The following TRMO variants were observed in gnomAD, a reference collection of about 807,000 sequenced individuals.
TRMO encodes tRNA (adenine(37)-N6)-methyltransferase.
TRMO carries 30 observed loss-of-function variants against 37.2 expected under a neutral mutation model. The observed-to-expected ratio is 0.81, with a 90% CI of 0.60 to 1.09. The LOEUF (loss-of-function observed/expected upper bound fraction) is 1.09, where lower values mean the gene tolerates loss of function less well. Among genes scored for constraint, TRMO ranks in the 50% least tolerant of loss-of-function variants. The probability of loss-of-function intolerance (pLI) is 0.00; values close to 1 mark genes in which losing one functional copy is unlikely to be tolerated. For synonymous variants in TRMO, 239 were observed against 199.4 expected (o/e 1.20, Z -1.67); for missense variants, 552 against 549.5 (o/e 1.00, Z -0.05).
At chr9:97,900,258 T>C (rs897668115), downstream of TRMO, among the ~76,000 whole-genome samples, 2 of 152,194 alleles carry the variant, frequency 1.3e-5, no homozygotes, top group Admixed American at 1.3e-4. Context: ...TTCCCAAGCA[T>C]TATCCTGGCA....
chr9:97,901,719 C>T (rs1056545086), downstream of TRMO, among the ~76,000 whole-genome samples: 5 of 148,286 alleles, frequency 3.4e-5, no homozygotes, highest in Admixed American at 6.8e-5. Context: ...TCTCTGGGTT[C>T]GTGGAATGAG....
chr9:97,914,936 T>C (rs565594030), intron 2 of TRMO, among the ~76,000 whole-genome samples: 3 of 152,270 alleles, frequency 2.0e-5, no homozygotes, highest in Admixed American at 2.0e-4. Context: ...AAAAATCTCT[T>C]TATATACTTC....
At chr9:97,900,741 T>G (rs561560119), downstream of TRMO, 10 of 979,714 alleles carry the variant, frequency 1.0e-5, no homozygotes, top group Admixed American at 1.8e-4. Flanking sequence ...GATGCAGGCT[T>G]TCATTTTTAT....
At chr9:97,919,953 C>T (rs748407200) in intron 1 of TRMO, among the ~76,000 whole-genome samples, 1 of 152,192 alleles carries the variant, frequency 6.6e-6, no homozygotes, top group Non-Finnish European at 1.5e-5. Flanking sequence ...ACCAAATATC[C>T]ATATCCTAGT....
intron 3 of TRMO, chr9:97,912,849 A>G: frequency 9.1e-7 from 1 of 1,096,850 alleles, no homozygotes; most frequent in Non-Finnish European, 1.3e-6. Context: ...CACACAGTTA[A>G]AACTAGTTTA....
chr9:97,912,145 C>T (rs1564109258), intron 3 of TRMO: 1 of 152,218 alleles, frequency 6.6e-6, no homozygotes, highest in East Asian at 1.9e-4. Context: ...GTCAAACCCA[C>T]AAAGCCACTG....
downstream of TRMO, among the ~76,000 whole-genome samples, chr9:97,903,890 G>A (rs562653899): frequency 1.1e-4 from 17 of 152,174 alleles, no homozygotes; most frequent in South Asian, 2.1e-4. Context: ...TCAGGAATTC[G>A]AGACCAGCCT....
rs779314985 is a variant in TRMO, at chr9:97,909,943, G to A, written c.1066+17C>T. On this transcript the variant is annotated intron_variant, in intron 4 of 4. Transcript: ENST00000375119. ...TAAAAGTTCATCTCTCATTCAGAAT[G>A]AAGAAACTGAAGATACCTTGTGAAC... 8 of 1,492,000 alleles carry A rather than the reference G, an allele frequency of 5.4e-6. No homozygotes were observed. The South Asian group carries it at 1.1e-4, about 20-fold the overall frequency. The allele number at this position is 1,492,000 out of a possible 1,614,324, so 92.4% of individuals were successfully genotyped here. A position where few individuals can be genotyped will look rare whatever the true frequency, so the allele number is the denominator to read the frequency against.
chr9:97,913,261 A>G lies in TRMO; in HGVS notation c.409+140T>C, dbSNP rs1354975547. 4 of 967,374 alleles carry G rather than the reference A, an allele frequency of 4.1e-6. No homozygotes were observed. In the Admixed American group the frequency reaches 8.2e-5, roughly 20 times the overall value. 59.9% of individuals were successfully genotyped at this position (967,374 alleles called of 1,614,324 possible). A position where few individuals can be genotyped will look rare whatever the true frequency, so the allele number is the denominator to read the frequency against. ...ATGCTAACATTCTTTTAATCATTGTATTTTCTTCAATGTCTGGTGGTTCTC... is the reference window on the plus strand; with the variant it reads ...ATGCTAACATTCTTTTAATCATTGTGTTTTCTTCAATGTCTGGTGGTTCTC... On this transcript the variant is annotated intron_variant, in intron 3 of 4. Coordinates refer to ENST00000375119, the MANE Select transcript of TRMO (RefSeq NM_016481.5).
At position 97,904,887 on chromosome 9, in the gene TRMO, A is replaced by C; in HGVS notation, c.1172T>G (p.Leu391Arg). The change falls in exon 5 of 5, where the codon CTT becomes CGT. Residue 391 changes from leucine (L) to arginine (R), a missense_variant. By Grantham distance (102) the Leu-to-Arg change is moderately radical. Coordinates refer to ENST00000375119, the MANE Select transcript of TRMO (RefSeq NM_016481.5). ...AAAGTAGAAAAGGCGGTCCTGGCAAAGCTTCCGGCGGTACACAGACCGAGG... is the reference window on the plus strand; with the variant it reads ...AAAGTAGAAAAGGCGGTCCTGGCAACGCTTCCGGCGGTACACAGACCGAGG... ...ADPRSVYRRKLCQDRLFYFTV... is the reference protein window; with the variant it reads ...ADPRSVYRRKRCQDRLFYFTV... The C allele has an allele frequency of 6.2e-7, 1 of 1,614,226 alleles. No homozygotes were observed. Among genetic ancestry groups the C allele is most frequent in the Non-Finnish European group, 8.5e-7 (1 of 1,180,046 alleles).
intron 3 of TRMO, 156 bp from the exon 4 acceptor site, chr9:97,910,772 C>G: frequency 1.2e-6 from 1 of 812,570 alleles, no homozygotes; most frequent in Admixed American, 2.7e-5. Context: ...CTTCTTGCTA[C>G]CTGGTAGCCC....
chr9:97,910,293 G>A lies in TRMO; in HGVS notation c.733C>T (p.Pro245Ser). Reference protein sequence around the residue: ...SDTARIQQAFPMHREIAVDFG... With the variant: ...SDTARIQQAFSMHREIAVDFG... ...TCCACTGCTATCTCCCTGTGCATAG[G>A]AAATGCTTGCTGAATTCTGGCTGTG... The change falls in exon 4 of 5, where the codon CCT becomes TCT. Residue 245 changes from proline to serine, a missense_variant. Physicochemically the swap from Pro to Ser is moderately conservative, Grantham distance 74 (BLOSUM62 -1). Transcript: ENST00000375119. The A allele has an allele frequency of 1.2e-6, 2 of 1,614,200 alleles. No individual in the cohort carries two copies. The highest frequency in any genetic ancestry group is 1.7e-5 in the Admixed American group (1 of 60,028).
At position 97,904,922 on chromosome 9, in the gene TRMO, C is replaced by T. The variant is rs1825793978; in HGVS notation, c.1137G>A (p.Leu379=). 2.5e-6 allele frequency: 4 copies of T among 1,614,076 alleles called. No individual in the cohort carries two copies. In the African/African-American group the frequency reaches 4.0e-5, roughly 16 times the overall value. Residue 379 remains leucine (L), a synonymous_variant, in exon 5 of 5, where the codon CTG becomes CTA. Coordinates refer to ENST00000375119, the MANE Select transcript of TRMO (RefSeq NM_016481.5). The part of the protein sequence containing the change: ...EEAKRAIEAV[L]SADPRSVYRR... ...GGTACACAGACCGAGGATCCGCTGA[C>T]AGCACAGCCTCAATGGCACGCTTTG... is the stretch of plus-strand genomic sequence containing the variant.
In TRMO at chr9:97,904,825, C is replaced by T. The variant is rs755016635; in HGVS notation, c.1234G>A (p.Asp412Asn). 1.9e-6 allele frequency: 3 copies of T among 1,614,092 alleles called. No homozygotes were observed. The highest frequency in any genetic ancestry group is 1.6e-4 in the Middle Eastern group (1 of 6,084). The stretch of plus-strand genomic sequence containing the variant: ...ATCCTCAGCACCTCTGCAAAGCCAT[C>T]ACCAAACCAGCAAGTGACATGCGCT... ...DIAHVTCWFG[D>N]GFAEVLRIKP... The change falls in exon 5 of 5, where the codon GAT (aspartate) becomes AAT (asparagine). Residue 412 changes from aspartate (D) to asparagine (N), a missense_variant. Coordinates refer to ENST00000375119, the MANE Select transcript of TRMO (RefSeq NM_016481.5).
chr9:97,918,857 T>C (rs183182280), intron 1 of TRMO, among the ~76,000 whole-genome samples: 4 of 152,354 alleles, frequency 2.6e-5, no homozygotes, highest in Admixed American at 2.6e-4. Context: ...CCCTCTGAGA[T>C]AAACAGAAGC....
intron 1 of TRMO, among the ~76,000 whole-genome samples, chr9:97,918,119 G>A (rs1302340261): frequency 6.6e-6 from 1 of 151,098 alleles, no homozygotes; most frequent in Non-Finnish European, 1.5e-5. Context: ...GGTGGCTCAC[G>A]CCTGTAATCC....
chr9:97,902,336 T>G (rs748025353), downstream of TRMO, among the ~76,000 whole-genome samples: 7 of 152,240 alleles, frequency 4.6e-5, no homozygotes, highest in Non-Finnish European at 8.8e-5. Flanking sequence ...GGTCTCACTC[T>G]GTCGCCCAGG....
intron 3 of TRMO, chr9:97,911,010 C>A: frequency 2.1e-6 from 1 of 467,374 alleles, no homozygotes; most frequent in South Asian, 1.6e-5. Flanking sequence ...AGGCTGGGAC[C>A]AACTCATCTT....
At chr9:97,912,888 C>T in intron 3 of TRMO, 1 of 1,299,030 alleles carries the variant, frequency 7.7e-7, no homozygotes, top group Non-Finnish European at 1.0e-6. Context: ...CAATGTTTGT[C>T]CTTGTAGTGT....
Sources: allele counts gnomAD v4.1 joint callset (sites outside exome capture counted in the v4.1 genomes callset), GRCh38; gene constraint gnomAD v4.1.1; transcripts MANE v1.5; gene names NCBI Gene and HGNC (gene_info 2026-07-23, HGNC 2026-07-21).